GALNT13: variants seen among roughly 807,000 people sequenced by gnomAD.
The protein encoded by GALNT13 is UDP-GalNAc:polypeptide N-acetylgalactosaminyltransferase 13.
GALNT13 carries 28 observed loss-of-function variants against 64.2 expected under a neutral mutation model. The ratio of observed to expected loss-of-function variants is 0.44; its 90% CI spans 0.32 to 0.60. GALNT13 has a LOEUF of 0.60. GALNT13 is among the 20% of genes least tolerant of loss of function. The pLI is 0.05. For missense variants in GALNT13, 577 were observed against 669.8 expected, an observed-to-expected ratio of 0.86 and a Z score of 1.53; for synonymous variants, 214 against 224.6, an observed-to-expected ratio of 0.95 and a Z score of 0.42.
At chr2:153,863,160 G>C in the GALNT13 span, among the ~76,000 whole-genome samples, 2 of 152,030 alleles carry the variant, frequency 1.3e-5, no homozygotes, top group Admixed American at 1.3e-4. Flanking sequence ...AAATTTTCTT[G>C]TCTGGTACAC....
chr2:153,306,551 T>C, the GALNT13 span, among the ~76,000 whole-genome samples: 1 of 152,228 alleles, frequency 6.6e-6, no homozygotes, highest in Admixed American at 6.5e-5. Context: ...AATGATTAGC[T>C]ATATGCTTGT....
At chr2:154,172,002 ACAC>A (rs1264654730) in intron 4 of GALNT13, among the ~76,000 whole-genome samples, 2 of 142,552 alleles carry the variant, frequency 1.4e-5, no homozygotes, top group African/African-American at 2.6e-5. Context: ...ACACACACAC[ACAC>A]AATGCTAAGC....
chr2:154,066,937 T>C (rs115866521), intron 3 of GALNT13, among the ~76,000 whole-genome samples: 1,629 of 152,152 alleles, frequency 0.011, 36 homozygotes, highest in African/African-American at 0.037. Flanking sequence ...TTCCAAGACA[T>C]AGCCAGTATA....
chr2:153,850,228 A>T, the GALNT13 span, among the ~76,000 whole-genome samples: 1 of 151,982 alleles, frequency 6.6e-6, no homozygotes, highest in Admixed American at 6.6e-5. Context: ...GAAATGAAAC[A>T]TAGAGAACAA....
the GALNT13 span, among the ~76,000 whole-genome samples, chr2:153,534,357 T>A: frequency 6.6e-6 from 1 of 152,120 alleles, no homozygotes; most frequent in African/African-American, 2.4e-5. Context: ...CAGTTTTTTT[T>A]CATAGGCCTA....
At chr2:154,171,087 T>C (rs889029015) in intron 4 of GALNT13, among the ~76,000 whole-genome samples, 1 of 152,118 alleles carries the variant, frequency 6.6e-6, no homozygotes, top group Non-Finnish European at 1.5e-5. Context: ...CTGGCCCTCT[T>C]AGACACTCAG....
chr2:154,346,728 A>G (rs1429380581), intron 9 of GALNT13, among the ~76,000 whole-genome samples: 2 of 152,098 alleles, frequency 1.3e-5, no homozygotes, highest in Non-Finnish European at 2.9e-5. Flanking sequence ...GAACAGACTA[A>G]TACATATCAC....
chr2:153,764,684 T>C, the GALNT13 span, among the ~76,000 whole-genome samples: 1 of 152,224 alleles, frequency 6.6e-6, no homozygotes, highest in African/African-American at 2.4e-5. Context: ...TTAATCACCA[T>C]GACAATGGGG....
At chr2:154,294,637 C>T (rs1392744233) in intron 8 of GALNT13, among the ~76,000 whole-genome samples, 2 of 152,100 alleles carry the variant, frequency 1.3e-5, no homozygotes, top group East Asian at 1.9e-4. Context: ...AAATGAAGAC[C>T]TAAAGATCCA....
At chr2:153,339,162 T>C in the GALNT13 span, among the ~76,000 whole-genome samples, 1 of 152,208 alleles carries the variant, frequency 6.6e-6, no homozygotes, top group East Asian at 1.9e-4. Flanking sequence ...GTGGGTTGTG[T>C]AGTTCTAGTT....
At chr2:154,018,501 C>T (rs535436362) in intron 3 of GALNT13, among the ~76,000 whole-genome samples, 1 of 151,930 alleles carries the variant, frequency 6.6e-6, no homozygotes, top group South Asian at 2.1e-4. Context: ...TTTTTATTAG[C>T]TTGTGTGTAT....
At chr2:154,312,051 C>G (rs947855596) in intron 9 of GALNT13, among the ~76,000 whole-genome samples, 5 of 140,130 alleles carry the variant, frequency 3.6e-5, no homozygotes, top group Admixed American at 2.1e-4. Flanking sequence ...GGTCCTGAGA[C>G]GATATACATC....
the GALNT13 span, among the ~76,000 whole-genome samples, chr2:153,164,580 AC>A: frequency 6.6e-6 from 1 of 152,074 alleles, no homozygotes; most frequent in African/African-American, 2.4e-5. Context: ...TACATCTGTG[AC>A]CCCATCATCA....
At chr2:153,965,349 C>A (rs1693258210) in intron 3 of GALNT13, among the ~76,000 whole-genome samples, 1 of 152,096 alleles carries the variant, frequency 6.6e-6, no homozygotes, top group South Asian at 2.1e-4. Flanking sequence ...CTACCCCTAC[C>A]ACATTACCCT....
the GALNT13 span, among the ~76,000 whole-genome samples, chr2:153,438,427 A>C: frequency 3.9e-5 from 6 of 152,196 alleles, no homozygotes; most frequent in Non-Finnish European, 7.3e-5. Flanking sequence ...GTGTTTTCCA[A>C]CTTGATTCCA....
At chr2:153,142,559 C>G in the GALNT13 span, among the ~76,000 whole-genome samples, 1 of 151,748 alleles carries the variant, frequency 6.6e-6, no homozygotes, top group Non-Finnish European at 1.5e-5. Context: ...TAATATGTCC[C>G]AATTTTAGAA....
the GALNT13 span, among the ~76,000 whole-genome samples, chr2:153,342,993 A>C: frequency 3.3e-4 from 51 of 152,360 alleles, no homozygotes; most frequent in African/African-American, 1.2e-3. Flanking sequence ...AAAGAGAACC[A>C]ATAAGAAAGG....
chr2:153,599,504 G>T, the GALNT13 span, among the ~76,000 whole-genome samples: 2 of 151,912 alleles, frequency 1.3e-5, no homozygotes, highest in African/African-American at 4.8e-5. Flanking sequence ...TGGGGTAAGT[G>T]CAAATTTTGT....
At chr2:153,696,030 T>G in the GALNT13 span, among the ~76,000 whole-genome samples, 1 of 151,954 alleles carries the variant, frequency 6.6e-6, no homozygotes, top group African/African-American at 2.4e-5. Context: ...AAAGGGGAGT[T>G]TATTAAGGAG....
Sources: gnomAD v4.1 joint callset for allele counts (sites outside exome capture counted in the v4.1 genomes callset) on GRCh38, gnomAD v4.1.1 for gene constraint, MANE v1.5 for transcripts, NCBI Gene and HGNC (gene_info 2026-07-23, HGNC 2026-07-21) for gene names.